Variants in NEGR1 observed in about 807,000 individuals in gnomAD.
The protein encoded by NEGR1 is neuronal growth regulator 1, also known as IgLON family member 4.
NEGR1 carries 10 observed loss-of-function variants against 40.9 expected under a neutral mutation model. The observed-to-expected ratio is 0.24, with a 90% CI of 0.15 to 0.42. The LOEUF (loss-of-function observed/expected upper bound fraction) is 0.42, where lower values mean the gene tolerates loss of function less well. Ranked by LOEUF, NEGR1 falls within the 10% of genes least tolerant of loss-of-function variation. The pLI, the probability that NEGR1 is intolerant of heterozygous loss-of-function variation, is 1.00. For missense variants in NEGR1, 352 were observed against 438.9 expected (o/e 0.80, Z 1.77); for synonymous variants, 185 against 166.8 (o/e 1.11, Z -0.84).
chr1:71,879,858 C>T (rs1382961810), intron 2 of NEGR1, among the ~76,000 whole-genome samples: 4 of 151,938 alleles, frequency 2.6e-5, no homozygotes, highest in African/African-American at 4.8e-5. Flanking sequence ...GGACTAAGAC[C>T]CTTCTGATGG....
chr1:72,141,350 T>G (rs1339633590), intron 1 of NEGR1, among the ~76,000 whole-genome samples: 1 of 152,018 alleles, frequency 6.6e-6, no homozygotes, highest in East Asian at 1.9e-4. Context: ...TTTGTCCAGA[T>G]TTTCCAGTCA....
intron 1 of NEGR1, among the ~76,000 whole-genome samples, chr1:71,942,501 T>A (rs1327956310): frequency 0.017 from 758 of 45,196 alleles, 30 homozygotes; most frequent in African/African-American, 0.063. Flanking sequence ...TTTTTTTTTT[T>A]TTTTTTTTTT....
At chr1:72,091,526 C>T (rs1648497667) in intron 1 of NEGR1, among the ~76,000 whole-genome samples, 1 of 151,572 alleles carries the variant, frequency 6.6e-6, no homozygotes. Flanking sequence ...CATCACAGCC[C>T]CATAGGAGAG....
intron 1 of NEGR1, among the ~76,000 whole-genome samples, chr1:72,040,497 G>A (rs1464932359): frequency 7.4e-6 from 1 of 134,570 alleles, no homozygotes; most frequent in Non-Finnish European, 1.5e-5. Context: ...AATGGAAATG[G>A]AATAGATGCT....
At chr1:71,545,936 A>C (rs2101462966) in intron 6 of NEGR1, among the ~76,000 whole-genome samples, 1 of 151,874 alleles carries the variant, frequency 6.6e-6, no homozygotes, top group Middle Eastern at 3.4e-3. Flanking sequence ...AATATATGAT[A>C]TCCATGATGT....
At chr1:71,831,317 A>T (rs1658831837) in intron 2 of NEGR1, among the ~76,000 whole-genome samples, 1 of 151,900 alleles carries the variant, frequency 6.6e-6, no homozygotes, top group South Asian at 2.1e-4. Context: ...GGGAGTTTTT[A>T]GAGAGAAAAA....
chr1:72,221,963 G>A (rs1654027688), intron 1 of NEGR1, among the ~76,000 whole-genome samples: 1 of 151,712 alleles, frequency 6.6e-6, no homozygotes. Flanking sequence ...CCAAGACTCA[G>A]TCCCTAGGCC....
intron 6 of NEGR1, among the ~76,000 whole-genome samples, chr1:71,545,492 T>C (rs947938437): frequency 5.9e-5 from 9 of 151,758 alleles, no homozygotes; most frequent in Admixed American, 5.9e-4. Context: ...TTGTAGATTG[T>C]CCACCATCTT....
intron 3 of NEGR1, among the ~76,000 whole-genome samples, chr1:71,742,096 GA>G (rs1485222957): frequency 6.6e-6 from 1 of 152,150 alleles, no homozygotes; most frequent in East Asian, 1.9e-4. Context: ...GCTCTCGTAA[GA>G]GGATTAGTGC....
At chr1:71,930,671 T>TGATGTTGTCATACTTTAG (rs1553122549) in intron 2 of NEGR1, among the ~76,000 whole-genome samples, 5 of 152,218 alleles carry the variant, frequency 3.3e-5, no homozygotes, top group Admixed American at 6.5e-5. Flanking sequence ...GATATGGATC[T>TGATGTTGTCATACTTTAG]GATGTTGTCA....
At chr1:72,139,277 A>T (rs1650584213) in intron 1 of NEGR1, among the ~76,000 whole-genome samples, 1 of 151,526 alleles carries the variant, frequency 6.6e-6, no homozygotes. Context: ...AAGAAACTCG[A>T]ATTAAACAGA....
intron 1 of NEGR1, among the ~76,000 whole-genome samples, chr1:72,071,973 T>A (rs1325792911): frequency 1.3e-5 from 2 of 152,148 alleles, no homozygotes; most frequent in Non-Finnish European, 1.5e-5. Flanking sequence ...TCCAAACTCC[T>A]CAGTTAGTCT....
chr1:72,247,114 G>C (rs1357243187), intron 1 of NEGR1, among the ~76,000 whole-genome samples: 1 of 152,142 alleles, frequency 6.6e-6, no homozygotes, highest in Admixed American at 6.5e-5. Flanking sequence ...TGTCTTCCTA[G>C]GCCTCTGGGC....
intron 6 of NEGR1, among the ~76,000 whole-genome samples, chr1:71,467,258 A>T (rs1163460085): frequency 6.6e-6 from 1 of 152,056 alleles, no homozygotes; most frequent in East Asian, 1.9e-4. Flanking sequence ...CTGTGTTGGA[A>T]GTCTTGAAGA....
Position 71,767,953 on chromosome 1 carries a change from C to T in NEGR1, c.535+8219G>A, listed in dbSNP as rs138626073. ...TTGGCAGCTTTGATGTGGTGTTAAG[C>T]CTGTGGGTGCACAGAGTACAAGAGC... On this transcript the variant is annotated intron_variant, in intron 3 of 6. Coordinates refer to ENST00000357731, the MANE Select transcript of NEGR1 (RefSeq NM_173808.3). Among the ~76,000 whole-genome samples, 313 of 152,318 alleles carry T rather than the reference C, an allele frequency of 2.1e-3. 1 individual carries two copies. The highest frequency in any genetic ancestry group is 6.5e-3 in the African/African-American group (269 of 41,568).
chr1:71,661,516 G>A (rs1292751040), intron 4 of NEGR1, among the ~76,000 whole-genome samples: 1 of 152,164 alleles, frequency 6.6e-6, no homozygotes, highest in African/African-American at 2.4e-5. Flanking sequence ...AAGTGAAAAT[G>A]TAATAGAAAT....
chr1:71,407,718 C>T lies in NEGR1; in HGVS notation c.941-148G>A, dbSNP rs183969934. ...GTTCATATCTGATTCTGCTATATGA[C>T]AACGTGTGGGCTATGTGGCTAACTT... On this transcript the variant is annotated intron_variant, in intron 6 of 6. Transcript: ENST00000357731. The T allele has an allele frequency of 3.9e-5, 26 of 670,834 alleles. No homozygotes were observed. The African/African-American group carries it at 4.8e-4, about 12-fold the overall frequency. 41.6% of individuals were successfully genotyped at this position (670,834 alleles called of 1,614,324 possible). A position where few individuals can be genotyped will look rare whatever the true frequency, so the allele number is the denominator to read the frequency against.
At chr1:72,273,367 A>C (rs1655921551) in intron 1 of NEGR1, among the ~76,000 whole-genome samples, 1 of 151,986 alleles carries the variant, frequency 6.6e-6, no homozygotes, top group African/African-American at 2.4e-5. Flanking sequence ...AACAGAAATA[A>C]ATGTTAGGAG....
intron 1 of NEGR1, among the ~76,000 whole-genome samples, chr1:72,091,921 T>C (rs975100739): frequency 7.2e-5 from 11 of 152,132 alleles, no homozygotes; most frequent in African/African-American, 2.4e-4. Context: ...GTGTGTCTTA[T>C]TATAAGGACA....
Sources: allele counts gnomAD v4.1 joint callset (sites outside exome capture counted in the v4.1 genomes callset), GRCh38; gene constraint gnomAD v4.1.1; transcripts MANE v1.5; gene names NCBI Gene and HGNC (gene_info 2026-07-23, HGNC 2026-07-21).